The following SLC35D4 variants were observed in gnomAD, a reference collection of about 807,000 sequenced individuals.
The protein encoded by SLC35D4 is solute carrier family 35 member D4, also known as UDP-N-acetylglucosamine transporter SLC35D4.
chr18:23,318,374 C>G, the SLC35D4 span, among the ~76,000 whole-genome samples: 1 of 152,156 alleles, frequency 6.6e-6, no homozygotes, highest in Non-Finnish European at 1.5e-5. Context: ...GTTGTCTTTT[C>G]ACTTTCTTCG....
At chr18:23,368,845 T>C in the SLC35D4 span, 1 of 785,042 alleles carries the variant, frequency 1.3e-6, no homozygotes, top group Non-Finnish European at 2.0e-6. Flanking sequence ...AATTCTATTT[T>C]AGTTACTACT....
At chr18:23,326,772 C>G in the SLC35D4 span, among the ~76,000 whole-genome samples, 2 of 152,178 alleles carry the variant, frequency 1.3e-5, no homozygotes, top group Non-Finnish European at 2.9e-5. Flanking sequence ...CCACATTGCA[C>G]GTATTCTAAA....
At chr18:23,385,202 C>T in the SLC35D4 span, 1 of 727,336 alleles carries the variant, frequency 1.4e-6, no homozygotes. Flanking sequence ...CCAGCAAAGA[C>T]TTCTACATGG....
the SLC35D4 span, among the ~76,000 whole-genome samples, chr18:23,401,430 A>T: frequency 6.6e-6 from 1 of 152,238 alleles, no homozygotes. Context: ...GCTGTAATAG[A>T]TGTCAGCACC....
chr18:23,250,431 G>C, the SLC35D4 span, among the ~76,000 whole-genome samples: 2 of 152,224 alleles, frequency 1.3e-5, no homozygotes, highest in Admixed American at 6.5e-5. Context: ...CTTGAGGCGA[G>C]CATGTTAGAT....
the SLC35D4 span, among the ~76,000 whole-genome samples, chr18:23,268,015 T>G: frequency 2.0e-5 from 3 of 152,204 alleles, no homozygotes; most frequent in African/African-American, 7.2e-5. Context: ...GGGAGACACA[T>G]TCTTTAGGGT....
the SLC35D4 span, among the ~76,000 whole-genome samples, chr18:23,343,979 A>G: frequency 1.3e-5 from 2 of 148,840 alleles, no homozygotes; most frequent in African/African-American, 5.0e-5. Context: ...GCTCACTGAA[A>G]CCTCCACCTC....
the SLC35D4 span, chr18:23,365,525 C>T: frequency 7.5e-7 from 1 of 1,333,328 alleles, no homozygotes; most frequent in Non-Finnish European, 1.0e-6. Flanking sequence ...TCTCAGTCAT[C>T]CTGGGGGGCA....
chr18:23,347,339 CT>C, the SLC35D4 span, among the ~76,000 whole-genome samples: 73 of 152,108 alleles, frequency 4.8e-4, no homozygotes, highest in African/African-American at 1.7e-3. Flanking sequence ...ATATACAATC[CT>C]TTTAGCTTCT....
At chr18:23,368,107 T>G in the SLC35D4 span, among the ~76,000 whole-genome samples, 1 of 152,162 alleles carries the variant, frequency 6.6e-6, no homozygotes. Context: ...CAGAATAACC[T>G]GAAAGTCTAG....
the SLC35D4 span, among the ~76,000 whole-genome samples, chr18:23,304,710 G>GAAGACAGGTGCA: frequency 6.6e-6 from 1 of 152,042 alleles, no homozygotes; most frequent in African/African-American, 2.4e-5. Flanking sequence ...GGAAGAGGGG[G>GAAGACAGGTGCA]GAGGAAGATT....
the SLC35D4 span, among the ~76,000 whole-genome samples, chr18:23,404,449 C>A: frequency 6.6e-6 from 1 of 151,922 alleles, no homozygotes; most frequent in South Asian, 2.1e-4. Context: ...CCGAGGCAGG[C>A]GGATCATGAG....
At chr18:23,316,582 A>G in the SLC35D4 span, among the ~76,000 whole-genome samples, 1 of 152,262 alleles carries the variant, frequency 6.6e-6, no homozygotes, top group African/African-American at 2.4e-5. Context: ...CCTCATCAAA[A>G]TATATGAACC....
the SLC35D4 span, chr18:23,257,067 G>A: frequency 1.2e-4 from 88 of 753,886 alleles, no homozygotes; most frequent in South Asian, 1.6e-3. Flanking sequence ...CCGAAGGCAG[G>A]AAGCACAGCC....
chr18:23,249,267 G>A, the SLC35D4 span, among the ~76,000 whole-genome samples: 96 of 152,320 alleles, frequency 6.3e-4, no homozygotes, highest in African/African-American at 2.1e-3. Context: ...TCCAGCCTCC[G>A]TAGCACAACA....
the SLC35D4 span, among the ~76,000 whole-genome samples, chr18:23,425,160 G>A: frequency 6.6e-6 from 1 of 152,102 alleles, no homozygotes; most frequent in African/African-American, 2.4e-5. Context: ...GAGTGCAGTG[G>A]CATGATCTCA....
the SLC35D4 span, among the ~76,000 whole-genome samples, chr18:23,364,933 A>AT: frequency 0.011 from 173 of 15,774 alleles, 72 homozygotes; most frequent in South Asian, 0.018. Context: ...AAAAAAAAAA[A>AT]GGACTCCTTT....
the SLC35D4 span, among the ~76,000 whole-genome samples, chr18:23,272,217 G>A: frequency 1.3e-5 from 2 of 152,146 alleles, no homozygotes; most frequent in East Asian, 1.9e-4. Flanking sequence ...CTGTCTGGAG[G>A]TGCCAAGCAA....
chr18:23,253,013 G>C, the SLC35D4 span: 1 of 1,613,922 alleles, frequency 6.2e-7, no homozygotes, highest in African/African-American at 1.3e-5. Context: ...ACATGAACGA[G>C]ACCTTCAAGG....
Sources: allele counts gnomAD v4.1 joint callset (sites outside exome capture counted in the v4.1 genomes callset), GRCh38; gene constraint gnomAD v4.1.1; transcripts MANE v1.5; gene names NCBI Gene and HGNC (gene_info 2026-07-23, HGNC 2026-07-21).